Variants in AP3M1 observed in about 807,000 individuals in gnomAD.
The protein encoded by AP3M1 is AP-3 complex subunit mu-1.
A neutral mutation model predicts 42.6 loss-of-function variants in AP3M1; 29 were observed. The observed-to-expected ratio is 0.68, with a 90% CI of 0.51 to 0.93. AP3M1 has a LOEUF of 0.93. Among genes scored for constraint, AP3M1 ranks in the 40% least tolerant of loss-of-function variants. The pLI is 0.00. For missense variants in AP3M1, 416 were observed against 510.2 expected, an observed-to-expected ratio of 0.82 and a Z score of 1.78; for synonymous variants, 178 against 175.3, an observed-to-expected ratio of 1.02 and a Z score of -0.12.
chr10:74,127,054 C>T (rs1215201774), intron 6 of AP3M1, among the ~76,000 whole-genome samples: 4 of 127,230 alleles, frequency 3.1e-5, no homozygotes, highest in Non-Finnish European at 6.6e-5. Context: ...CATGGTATAA[C>T]AATTATTTAC....
At chr10:74,132,572 T>C (rs1351175110) in intron 4 of AP3M1, among the ~76,000 whole-genome samples, 2 of 151,814 alleles carry the variant, frequency 1.3e-5, no homozygotes, top group African/African-American at 2.4e-5. Flanking sequence ...GCGTGTGGCG[T>C]GTACCTCCTG....
intron 1 of AP3M1, 35 bp from the exon 2 acceptor site, chr10:74,138,417 C>T (rs779898223): frequency 6.5e-7 from 1 of 1,546,906 alleles, no homozygotes; most frequent in Non-Finnish European, 8.8e-7. Context: ...ATTTATTATA[C>T]ATTAAATATC....
chr10:74,128,172 C>G (rs1194913462), intron 6 of AP3M1, among the ~76,000 whole-genome samples: 1 of 146,998 alleles, frequency 6.8e-6, no homozygotes. Flanking sequence ...TGAGTTCTGT[C>G]ATGATGTTAC....
chr10:74,131,984 C>T (rs551218470), intron 4 of AP3M1, among the ~76,000 whole-genome samples: 1 of 152,280 alleles, frequency 6.6e-6, no homozygotes, highest in Non-Finnish European at 1.5e-5. Context: ...CCCTTCTGGG[C>T]TTTCCTTATG....
chr10:74,147,716 G>T (rs937490267), intron 1 of AP3M1, among the ~76,000 whole-genome samples: 1 of 151,968 alleles, frequency 6.6e-6, no homozygotes, highest in Non-Finnish European at 1.5e-5. Context: ...GGTAGTTTTG[G>T]TGGGCTGGGT....
rs371383968 is a variant in AP3M1 at position 74,131,484 on chromosome 10, T to C, written c.584-1492A>G. ...GCCCGGCTTCAATAGAATTTTAAAA[T>C]GTGGCAAGTGTATTATGAAATGGAC... On this transcript the variant is annotated intron_variant, in intron 4 of 8. Coordinates refer to ENST00000355264, the MANE Select transcript of AP3M1 (RefSeq NM_012095.6). Among the ~76,000 whole-genome samples the C allele has an allele frequency of 2.4e-3, 362 of 149,540 alleles. 1 individual carries two copies. Among genetic ancestry groups the C allele is most frequent in the African/African-American group, 7.8e-3 (317 of 40,678 alleles).
At position 74,122,043 on chromosome 10, in the gene AP3M1, C is replaced by T. The variant is rs1055494912; in HGVS notation, c.*1767G>A. On this transcript the variant is annotated 3_prime_UTR_variant, in exon 9 of 9. Transcript: ENST00000355264. ...ATGTTCTCATTGTTCTTTTGAGGTA[C>T]GAACTCTGAAGAGTCAAGACATTAA... 4.6e-5 allele frequency: 7 copies of T among 152,082 alleles called. No individual in the cohort carries two copies. Among genetic ancestry groups the T allele is most frequent in the African/African-American group, 1.4e-4 (6 of 41,416 alleles). The allele number at this position is 152,082 out of a possible 1,614,324, so 9.4% of individuals were successfully genotyped here. A position where few individuals can be genotyped will look rare whatever the true frequency, so the allele number is the denominator to read the frequency against.
chr10:74,135,391 G>C (rs1164646637), intron 3 of AP3M1, among the ~76,000 whole-genome samples: 3 of 152,094 alleles, frequency 2.0e-5, no homozygotes, highest in Non-Finnish European at 4.4e-5. Context: ...CACAGTTCAG[G>C]AGGGATTACT....
intron 1 of AP3M1, among the ~76,000 whole-genome samples, chr10:74,140,974 C>A (rs1841127727): frequency 6.6e-6 from 1 of 152,024 alleles, no homozygotes; most frequent in Non-Finnish European, 1.5e-5. Context: ...TTTTAAGATA[C>A]GATACCAAAA....
intron 5 of AP3M1, among the ~76,000 whole-genome samples, 185 bp from the exon 6 acceptor site, chr10:74,129,426 T>C (rs1840709683): frequency 6.6e-6 from 1 of 152,228 alleles, no homozygotes; most frequent in Non-Finnish European, 1.5e-5. Context: ...CATTATTTTA[T>C]TTGAATTTCA....
At chr10:74,126,766 T>G (rs1227858436) in intron 6 of AP3M1, among the ~76,000 whole-genome samples, 1 of 147,144 alleles carries the variant, frequency 6.8e-6, no homozygotes, top group Non-Finnish European at 1.5e-5. Context: ...AGGTGAGGAG[T>G]TCAAGACCAG....
At position 74,123,813 on chromosome 10, in the gene AP3M1, T is replaced by G; in HGVS notation, c.1254A>C (p.Thr418=). 1 of 1,614,060 alleles carries G rather than the reference T, an allele frequency of 6.2e-7. No homozygotes were observed. Among genetic ancestry groups the G allele is most frequent in the Non-Finnish European group, 8.5e-7 (1 of 1,179,912 alleles). ...CCTGAGGAATTTTGGCCTCTTCTCA[T>G]GTCCTCACTTGGAACTTTCCAGCTT... ...VTKAGKFQVR[T] The change falls in exon 9 of 9, where the codon ACA becomes ACC. Residue 418 remains threonine (T), a synonymous_variant. Coordinates refer to ENST00000355264, the MANE Select transcript of AP3M1 (RefSeq NM_012095.6).
chr10:74,148,782 C>T (rs1841414308), intron 1 of AP3M1, among the ~76,000 whole-genome samples: 1 of 152,072 alleles, frequency 6.6e-6, no homozygotes. Flanking sequence ...ATTTCCAGCT[C>T]CTGGCCTCAA....
chr10:74,137,164 C>T (rs1468234748), intron 2 of AP3M1, among the ~76,000 whole-genome samples: 3 of 152,048 alleles, frequency 2.0e-5, no homozygotes, highest in South Asian at 2.1e-4. Context: ...TGCTTGAACC[C>T]GGGAGGCGGA....
intron 1 of AP3M1, among the ~76,000 whole-genome samples, chr10:74,141,427 A>G (rs1047214558): frequency 6.6e-6 from 1 of 152,190 alleles, no homozygotes; most frequent in Non-Finnish European, 1.5e-5. Context: ...CCTTGCCTCT[A>G]AAACATAAAA....
intron 1 of AP3M1, among the ~76,000 whole-genome samples, chr10:74,149,870 A>C (rs1841489760): frequency 6.6e-6 from 1 of 152,186 alleles, no homozygotes; most frequent in South Asian, 2.1e-4. Flanking sequence ...CAAATGATGA[A>C]GGATTGGTCT....
intron 6 of AP3M1, among the ~76,000 whole-genome samples, chr10:74,126,874 G>C (rs1840631377): frequency 6.7e-6 from 1 of 149,328 alleles, no homozygotes; most frequent in East Asian, 2.0e-4. Flanking sequence ...GGAAGCCTGA[G>C]GCAGGAGAAT....
At position 74,126,285 on chromosome 10, in the gene AP3M1, C is replaced by T. The variant is rs1233186688; in HGVS notation, c.874G>A (p.Asp292Asn). The change falls in exon 7 of 9, where the codon GAT (aspartate) becomes AAT (asparagine). Residue 292 changes from aspartate (D) to asparagine (N), a missense_variant. Coordinates refer to ENST00000355264, the MANE Select transcript of AP3M1 (RefSeq NM_012095.6). ...FKENSSCGRF[D>N]ITIGPKQNMG... ...TTCTGCTTTGGTCCAATTGTTATAT[C>T]AAATCTGCCGCAAGAACTGTTCTCC... 6.2e-7 allele frequency: 1 copy of T among 1,614,028 alleles called. No homozygotes were observed. The highest frequency in any genetic ancestry group is 8.5e-7 in the Non-Finnish European group (1 of 1,180,052).
rs1447724143 is a variant in AP3M1 at position 74,123,747 on chromosome 10, AATAGTG to A, written c.*57_*62del. 1 of 1,248,802 alleles carries A rather than the reference AATAGTG, an allele frequency of 8.0e-7. No homozygotes were observed. The highest frequency in any genetic ancestry group is 1.5e-5 in the African/African-American group (1 of 67,714). The allele number at this position is 1,248,802 out of a possible 1,614,324, so 77.4% of individuals were successfully genotyped here. A position where few individuals can be genotyped will look rare whatever the true frequency, so the allele number is the denominator to read the frequency against. On this transcript the variant is annotated 3_prime_UTR_variant, in exon 9 of 9. Coordinates refer to ENST00000355264, the MANE Select transcript of AP3M1 (RefSeq NM_012095.6). ...ATGTATTCCCACTCACTTGGTACCTAATAGTGATACATCGTAATGACACTTGGAAAA... is the reference window on the plus strand; with the variant it reads ...ATGTATTCCCACTCACTTGGTACCTAATACATCGTAATGACACTTGGAAAA...
Sources: gnomAD v4.1 joint callset for allele counts (sites outside exome capture counted in the v4.1 genomes callset) on GRCh38, gnomAD v4.1.1 for gene constraint, MANE v1.5 for transcripts, NCBI Gene and HGNC (gene_info 2026-07-23, HGNC 2026-07-21) for gene names.